The following DAPK1 variants were observed in gnomAD, a reference collection of about 807,000 sequenced individuals.
DAPK1 encodes death-associated protein kinase 1.
DAPK1 carries 56 observed loss-of-function variants against 144.9 expected under a neutral mutation model. The observed-to-expected ratio is 0.39, with a 90% CI of 0.31 to 0.48. DAPK1 has a LOEUF of 0.48. Among genes scored for constraint, DAPK1 ranks in the 20% least tolerant of loss-of-function variants. DAPK1 has a pLI of 0.95. For missense variants in DAPK1, 1,454 were observed against 1,875.4 expected (o/e 0.78, Z 4.15); for synonymous variants, 690 against 749.0 (o/e 0.92, Z 1.29).
intron 25 of DAPK1, among the ~76,000 whole-genome samples, chr9:87,704,864 C>T (rs535320931): frequency 7.2e-5 from 11 of 152,134 alleles, no homozygotes; most frequent in Non-Finnish European, 1.5e-4. Flanking sequence ...TGAGGGAGTC[C>T]AGGGCGATGG....
chr9:87,505,934 C>T (rs1272113090), intron 2 of DAPK1, among the ~76,000 whole-genome samples: 4 of 152,308 alleles, frequency 2.6e-5, no homozygotes, highest in South Asian at 2.1e-4. Context: ...GTGATCCGCC[C>T]GTCTCGGCCT....
chr9:87,526,722 G>A (rs1483597117), intron 2 of DAPK1, among the ~76,000 whole-genome samples: 2 of 152,174 alleles, frequency 1.3e-5, no homozygotes, highest in Non-Finnish European at 2.9e-5. Context: ...TGTGTACTGA[G>A]TGGTCCTTTA....
intron 2 of DAPK1, among the ~76,000 whole-genome samples, chr9:87,604,174 G>T (rs188963743): frequency 3.9e-5 from 6 of 152,254 alleles, no homozygotes; most frequent in East Asian, 1.9e-4. Flanking sequence ...GGCTTTGAGG[G>T]GGGGGTTCTG....
chr9:87,567,516 C>G (rs1178129176), intron 2 of DAPK1, among the ~76,000 whole-genome samples: 1 of 152,038 alleles, frequency 6.6e-6, no homozygotes, highest in South Asian at 2.1e-4. Flanking sequence ...CAGTAGACCC[C>G]GCTCACAATT....
At chr9:87,579,471 C>A (rs182811505) in intron 2 of DAPK1, among the ~76,000 whole-genome samples, 3 of 152,256 alleles carry the variant, frequency 2.0e-5, no homozygotes, top group East Asian at 3.9e-4. Context: ...CCAGAAGAAG[C>A]TCTGTGCCGG....
At chr9:87,537,680 A>G (rs993129508) in intron 2 of DAPK1, among the ~76,000 whole-genome samples, 3 of 152,108 alleles carry the variant, frequency 2.0e-5, no homozygotes, top group Non-Finnish European at 4.4e-5. Flanking sequence ...CTGCAGGAGC[A>G]TTCGAGAATG....
rs147731930 is a variant in DAPK1 at position 87,617,940 on chromosome 9, A to G, written c.284+12765A>G. On this transcript the variant is annotated intron_variant, in intron 3 of 25. Coordinates refer to ENST00000408954, the MANE Select transcript of DAPK1 (RefSeq NM_004938.4). ...TCTCCTTGCTTCATTCTTCTCCCCT[A>G]TTCTCCACTGTGGCACACATCTAGT... Among the ~76,000 whole-genome samples, 279 of 152,236 alleles carry G rather than the reference A, an allele frequency of 1.8e-3. 2 individuals are homozygous for G. The highest frequency in any genetic ancestry group is 2.8e-3 in the African/African-American group (117 of 41,538).
intron 2 of DAPK1, among the ~76,000 whole-genome samples, chr9:87,529,888 C>T (rs1383696906): frequency 6.6e-6 from 1 of 152,176 alleles, no homozygotes; most frequent in African/African-American, 2.4e-5. Context: ...CACCTCTGGG[C>T]CTTTAAATTT....
chr9:87,629,365 C>T (rs906946706), intron 3 of DAPK1, among the ~76,000 whole-genome samples: 29 of 152,172 alleles, frequency 1.9e-4, no homozygotes, highest in African/African-American at 6.8e-4. Flanking sequence ...AAGGGATTCC[C>T]CTCCAAGCTT....
rs200111269 is a variant in DAPK1 at position 87,706,926 on chromosome 9, C to T, written c.3855C>T (p.Phe1285=). The T allele has an allele frequency of 1.5e-4, 234 of 1,613,616 alleles. No individual in the cohort carries two copies. Among genetic ancestry groups the T allele is most frequent in the Middle Eastern group, 3.3e-4 (2 of 6,060 alleles). The stretch of plus-strand genomic sequence containing the variant: ...AAAGCTTCAGCAGCATCATGTGCTT[C>T]GGGTGTCACGACGTCTACTCACAGG... ...YKESFSSIMC[F]GCHDVYSQAS... is the part of the protein sequence containing the mutation. The change falls in exon 26 of 26, where the codon TTC becomes TTT. Residue 1285 remains phenylalanine, a synonymous_variant. Transcript: ENST00000408954. This position sits in a 1 kb window ranked among gnomAD's most constrained non-coding sequence, Gnocchi z 9.0.
intron 2 of DAPK1, among the ~76,000 whole-genome samples, chr9:87,573,019 C>T (rs567385608): frequency 2.0e-4 from 30 of 152,162 alleles, no homozygotes; most frequent in Non-Finnish European, 3.8e-4. Context: ...ACAGGAGTTT[C>T]GCTTATACAA....
chr9:87,566,122 G>A (rs1377741989), intron 2 of DAPK1, among the ~76,000 whole-genome samples: 1 of 149,880 alleles, frequency 6.7e-6, no homozygotes, highest in Non-Finnish European at 1.5e-5. Flanking sequence ...CCAGGTTCAC[G>A]CCATTCTCCT....
intron 3 of DAPK1, among the ~76,000 whole-genome samples, chr9:87,616,633 T>A (rs1829106684): frequency 6.6e-6 from 1 of 152,176 alleles, no homozygotes. Flanking sequence ...CAAACATGTG[T>A]GCAAGGTTTG....
chr9:87,527,883 G>A (rs888736484), intron 2 of DAPK1, among the ~76,000 whole-genome samples: 1 of 152,216 alleles, frequency 6.6e-6, no homozygotes, highest in African/African-American at 2.4e-5. Context: ...TTATGGCTGA[G>A]ACCTTGTCTG....
At chr9:87,560,491 C>T (rs575124578) in intron 2 of DAPK1, among the ~76,000 whole-genome samples, 1 of 152,156 alleles carries the variant, frequency 6.6e-6, no homozygotes, top group South Asian at 2.1e-4. Context: ...AACACAAACT[C>T]CCCCTTCCCC....
chr9:87,617,345 C>T (rs1322184153), intron 3 of DAPK1, among the ~76,000 whole-genome samples: 1 of 152,184 alleles, frequency 6.6e-6, no homozygotes, highest in Non-Finnish European at 1.5e-5. Context: ...GATAGCTTTC[C>T]ATTGCCAGGG....
chr9:87,655,412 C>T (rs943855), intron 17 of DAPK1, among the ~76,000 whole-genome samples: 52,277 of 151,822 alleles, frequency 0.34, 10,382 homozygotes, highest in East Asian at 0.61. Flanking sequence ...AAAAGAAGCA[C>T]AGGTACGTAA....
At chr9:87,501,560 A>C (rs1824400542) in intron 2 of DAPK1, among the ~76,000 whole-genome samples, 1 of 143,908 alleles carries the variant, frequency 6.9e-6, no homozygotes, top group South Asian at 2.1e-4. Flanking sequence ...AAAAAGAAAG[A>C]AAAAAAAGAC....
chr9:87,643,330 T>C (rs766947889), intron 10 of DAPK1, 46 bp from the exon 11 acceptor site: 5 of 1,286,512 alleles, frequency 3.9e-6, no homozygotes, highest in Non-Finnish European at 5.3e-6. Context: ...ACCCTGCCTT[T>C]TTCCTCCCCG....
Sources: allele counts gnomAD v4.1 joint callset (sites outside exome capture counted in the v4.1 genomes callset), GRCh38; gene constraint gnomAD v4.1.1; non-coding constraint Gnocchi (gnomAD v3.1); transcripts MANE v1.5; gene names NCBI Gene and HGNC (gene_info 2026-07-23, HGNC 2026-07-21).